PRAG1: variants seen among roughly 807,000 people sequenced by gnomAD.
PRAG1 encodes inactive tyrosine-protein kinase PRAG1.
PRAG1 carries 110 observed loss-of-function variants against 95.6 expected under a neutral mutation model. The observed-to-expected ratio is 1.15, with a 90% confidence interval of 0.99 to 1.35. The LOEUF (loss-of-function observed/expected upper bound fraction) is 1.35. Ranked by LOEUF, PRAG1 falls within the 40% of genes most tolerant of loss-of-function variation. PRAG1 has a pLI of 0.00. For synonymous variants in PRAG1, 1,052 were observed against 819.4 expected (o/e 1.28, Z -4.85); for missense variants, 2,554 against 1,864.7 (o/e 1.37, Z -6.81).
intron 2 of PRAG1, among the ~76,000 whole-genome samples, chr8:8,379,900 G>A (rs978771379): frequency 6.6e-6 from 1 of 152,182 alleles, no homozygotes; most frequent in Non-Finnish European, 1.5e-5. Flanking sequence ...TTGGAAACAG[G>A]AGTACTGGCT....
chr8:8,350,414 G>A (rs1408177894), intron 3 of PRAG1, among the ~76,000 whole-genome samples: 1 of 152,234 alleles, frequency 6.6e-6, no homozygotes, highest in East Asian at 1.9e-4. Context: ...GGCCTGGAAA[G>A]TCAAGGAGGA....
chr8:8,338,568 G>A (rs1799065909), intron 4 of PRAG1, among the ~76,000 whole-genome samples: 1 of 152,204 alleles, frequency 6.6e-6, no homozygotes, highest in Non-Finnish European at 1.5e-5. Context: ...CCCAAATCAA[G>A]ACTAAGATAT....
At chr8:8,383,729 C>T (rs968122681) in intron 1 of PRAG1, among the ~76,000 whole-genome samples, 6 of 152,182 alleles carry the variant, frequency 3.9e-5, no homozygotes, top group African/African-American at 1.4e-4. Context: ...AGGTTCTTCT[C>T]CTCCTCCAAA....
intron 4 of PRAG1, among the ~76,000 whole-genome samples, chr8:8,328,956 C>A (rs1798735702): frequency 6.6e-6 from 1 of 152,178 alleles, no homozygotes; most frequent in Non-Finnish European, 1.5e-5. Context: ...ATAATTTAAC[C>A]ATCCCTTTTT....
chr8:8,333,252 TG>T (rs1365635645), intron 4 of PRAG1, among the ~76,000 whole-genome samples: 1 of 152,246 alleles, frequency 6.6e-6, no homozygotes, highest in Non-Finnish European at 1.5e-5. Context: ...GCATGCTAAT[TG>T]GGCCAGAGGG....
rs755094251 is a variant in PRAG1 at position 8,318,140 on chromosome 8, G to C, written c.*14C>G. The C allele has an allele frequency of 6.2e-7, 1 of 1,605,042 alleles. No individual in the cohort carries two copies. Among genetic ancestry groups the C allele is most frequent in the Admixed American group, 1.7e-5 (1 of 59,356 alleles). On this transcript the variant is annotated 3_prime_UTR_variant, in exon 6 of 6. Transcript: ENST00000615670. The surrounding 1 kb of genome is among the most constrained non-coding windows in gnomAD (Gnocchi z 4.2). ...GCAGGGAAGGGGCAGCGACGGTGCAGGCTGGGGCTTGGCTCACAGAAGCTG... is the reference window on the plus strand; with the variant it reads ...GCAGGGAAGGGGCAGCGACGGTGCACGCTGGGGCTTGGCTCACAGAAGCTG...
At position 8,319,250 on chromosome 8, in the gene PRAG1, G is replaced by C; in HGVS notation, c.3125C>G (p.Pro1042Arg). ...GTCCTGCTGGATGTTAAAGTGCACG[G>C]GCACGGACGGGCTGCAGTAGGAGAC... ...KTVSYCSPSVPVHFNIQQDCG... is the reference protein window; with the variant it reads ...KTVSYCSPSVRVHFNIQQDCG... Residue 1042 changes from proline to arginine, a missense_variant, in exon 6 of 6, where the codon CCC (proline) becomes CGC (arginine). Physicochemically the swap from Pro to Arg is moderately radical, Grantham distance 103. Transcript: ENST00000615670. The C allele has an allele frequency of 6.5e-7, 1 of 1,541,804 alleles. No homozygotes were observed. Among genetic ancestry groups the C allele is most frequent in the Non-Finnish European group, 8.8e-7 (1 of 1,138,134 alleles).
rs529159637 is a variant in PRAG1, at chr8:8,367,769, A to G, written c.2162+8478T>C. The stretch of plus-strand genomic sequence containing the variant: ...CAATTCTCCTGCCTCAGCCTCCCGA[A>G]TACCTGGGATTACAGGTGCGTGCCA... On this transcript the variant is annotated intron_variant, in intron 3 of 5. Transcript: ENST00000615670. Among the ~76,000 whole-genome samples, 133 of 151,884 alleles carry G rather than the reference A, an allele frequency of 8.8e-4. 1 individual carries two copies. In the Middle Eastern group the frequency reaches 0.024, roughly 27 times the overall value.
rs773947746 is a variant in PRAG1, at chr8:8,377,319, C to A, written c.1090G>T (p.Asp364Tyr). Residue 364 changes from aspartate (D) to tyrosine (Y), a missense_variant, in exon 3 of 6, where the codon GAT becomes TAT. Asp to Tyr is a radical substitution (Grantham distance 160, BLOSUM62 -3). Coordinates refer to ENST00000615670, the MANE Select transcript of PRAG1 (RefSeq NM_001080826.3). ...GGTTCCTTCATGAGGGAGCAGTAATCACTCTCGAGGTGGGGGACGAAGGGG... is the reference window on the plus strand; with the variant it reads ...GGTTCCTTCATGAGGGAGCAGTAATAACTCTCGAGGTGGGGGACGAAGGGG... ...SSPFVPHLES[D>Y]YCSLMKEPAP... is the part of the protein sequence containing the mutation. 1.9e-6 allele frequency: 3 copies of A among 1,611,920 alleles called. No homozygotes were observed. In the East Asian group the frequency reaches 6.7e-5, roughly 36 times the overall value.
At chr8:8,334,130 T>C (rs927647583) in intron 4 of PRAG1, among the ~76,000 whole-genome samples, 1 of 152,056 alleles carries the variant, frequency 6.6e-6, no homozygotes, top group East Asian at 1.9e-4. Context: ...ACATGAAATG[T>C]AGAAGAAAAA....
intron 3 of PRAG1, among the ~76,000 whole-genome samples, chr8:8,351,753 A>G (rs1306419796): frequency 6.6e-6 from 1 of 152,112 alleles, no homozygotes; most frequent in Non-Finnish European, 1.5e-5. Context: ...AAAGAGAACA[A>G]CCTATTTTAT....
At chr8:8,340,421 T>A (rs1015056221) in intron 3 of PRAG1, among the ~76,000 whole-genome samples, 11 of 152,332 alleles carry the variant, frequency 7.2e-5, no homozygotes, top group African/African-American at 2.6e-4. Flanking sequence ...ACATGAATAT[T>A]CATTTCTGAT....
At chr8:8,378,288 G>C (rs939963929) in intron 2 of PRAG1, among the ~76,000 whole-genome samples, 2 of 152,164 alleles carry the variant, frequency 1.3e-5, no homozygotes, top group Admixed American at 6.5e-5. Context: ...TGAGCCATTT[G>C]TCTTCCCAGA....
Position 8,318,444 on chromosome 8 carries a change from C to T in PRAG1, c.3931G>A (p.Asp1311Asn), listed in dbSNP as rs898049465. The change falls in exon 6 of 6, where the codon GAC becomes AAC. Residue 1311 changes from aspartate to asparagine, a missense_variant. Physicochemically the swap from Asp to Asn is conservative, Grantham distance 23 (BLOSUM62 1). Coordinates refer to ENST00000615670, the MANE Select transcript of PRAG1 (RefSeq NM_001080826.3). This position sits in a 1 kb window ranked among gnomAD's most constrained non-coding sequence, Gnocchi z 4.2. ...QQLAHLLLEA[D>N]PIKRIRIGEA... ...CCGATGCGGATACGCTTGATGGGGT[C>T]GGCCTCCAGTAGCAGATGTGCCAGC... 6 of 1,612,376 alleles carry T rather than the reference C, an allele frequency of 3.7e-6. No homozygotes were observed. The highest frequency in any genetic ancestry group is 1.3e-5 in the African/African-American group (1 of 75,038).
In PRAG1 at chr8:8,317,939, G is replaced by C; in HGVS notation, c.*215C>G. 1 of 352,982 alleles carries C rather than the reference G, an allele frequency of 2.8e-6. No homozygotes were observed. The highest frequency in any genetic ancestry group is 1.1e-4 in the South Asian group (1 of 8,846). 21.9% of individuals were successfully genotyped at this position (352,982 alleles called of 1,614,324 possible). ...TACAGAAGAAAACAGGGAGGACTTA[G>C]TGCAGAGAGGAGACGAGTGTGGACG... On this transcript the variant is annotated 3_prime_UTR_variant, in exon 6 of 6. Transcript: ENST00000615670.
chr8:8,325,408 T>C (rs1277414248), intron 5 of PRAG1, among the ~76,000 whole-genome samples: 1 of 152,202 alleles, frequency 6.6e-6, no homozygotes, highest in Non-Finnish European at 1.5e-5. Context: ...AGGAAACCCC[T>C]GCGGCTCCTG....
intron 4 of PRAG1, among the ~76,000 whole-genome samples, chr8:8,330,836 A>G (rs1798796743): frequency 6.6e-6 from 1 of 152,138 alleles, no homozygotes; most frequent in Non-Finnish European, 1.5e-5. Context: ...AGAGGCTGAG[A>G]GCAGGAGGAG....
Position 8,373,240 on chromosome 8 carries a change from AT to A in PRAG1, c.2162+3006del, listed in dbSNP as rs201596197. Reference sequence around the variant, plus strand: ...GGAAGACTCTGGGGTTCCTGGCACTATCCCCAGCGGAGGTACTGAGTTCCAG... The same window carrying A: ...GGAAGACTCTGGGGTTCCTGGCACTACCCCAGCGGAGGTACTGAGTTCCAG... On this transcript the variant is annotated intron_variant, in intron 3 of 5. Transcript: ENST00000615670. Among the ~76,000 whole-genome samples, 1,269 of 152,276 alleles carry A rather than the reference AT, an allele frequency of 8.3e-3. 14 individuals are homozygous for A. The highest frequency in any genetic ancestry group is 0.014 in the Middle Eastern group (4 of 292).
At chr8:8,330,636 A>G (rs184358451) in intron 4 of PRAG1, among the ~76,000 whole-genome samples, 12 of 152,276 alleles carry the variant, frequency 7.9e-5, no homozygotes, top group Admixed American at 3.9e-4. Context: ...TTCCCCCTCA[A>G]TAGTCAGAAT....
Sources: allele counts gnomAD v4.1 joint callset (sites outside exome capture counted in the v4.1 genomes callset), GRCh38; gene constraint gnomAD v4.1.1; non-coding constraint Gnocchi (gnomAD v3.1); transcripts MANE v1.5; gene names NCBI Gene and HGNC (gene_info 2026-07-23, HGNC 2026-07-21).